RASGRF2: variants seen among roughly 807,000 people sequenced by gnomAD.
RASGRF2 encodes the protein ras-specific guanine nucleotide-releasing factor 2.
A neutral mutation model predicts 151.0 loss-of-function variants in RASGRF2; 76 were observed. The observed-to-expected ratio is 0.50, with a 90% CI of 0.42 to 0.61. RASGRF2 has a LOEUF of 0.61. Among genes scored for constraint, RASGRF2 ranks in the 20% least tolerant of loss-of-function variants. The pLI, the probability that RASGRF2 is intolerant of heterozygous loss-of-function variation, is 0.00. For synonymous variants in RASGRF2, 504 were observed against 566.5 expected (o/e 0.89, Z 1.57); for missense variants, 1,148 against 1,564.6 (o/e 0.73, Z 4.49).
At position 81,081,044 on chromosome 5, in the gene RASGRF2, A is replaced by G. The variant is rs377691684; in HGVS notation, c.1161+255A>G. On this transcript the variant is annotated intron_variant, in intron 7 of 26. Transcript: ENST00000265080. ...GAATGATTTTTTGAAACGCTGCACA[A>G]TTTTCTCTTTACAGAAAGATTCCAC... Among the ~76,000 whole-genome samples the G allele has an allele frequency of 9.9e-5, 15 of 152,234 alleles. No homozygotes were observed. The South Asian group carries it at 2.7e-3, about 27-fold the overall frequency.
At chr5:81,141,869 A>T (rs1254115061) in intron 17 of RASGRF2, among the ~76,000 whole-genome samples, 1 of 152,186 alleles carries the variant, frequency 6.6e-6, no homozygotes, top group Non-Finnish European at 1.5e-5. Flanking sequence ...CAATGGTATG[A>T]TCTGGTTAGA....
chr5:81,019,100 G>GCATCTGCACATCTTGAAACACTTGGCT (rs1554085925), intron 1 of RASGRF2, among the ~76,000 whole-genome samples: 1 of 152,170 alleles, frequency 6.6e-6, no homozygotes, highest in Non-Finnish European at 1.5e-5. Flanking sequence ...TGCGCCTGGC[G>GCATCTGCACATCTTGAAACACTTGGCT]CATCTGCACA....
intron 19 of RASGRF2, chr5:81,203,942 C>A (rs1026957081): frequency 6.6e-6 from 1 of 152,216 alleles, no homozygotes; most frequent in Non-Finnish European, 1.5e-5. Context: ...GTCAACTCAA[C>A]TTTCTTTAGG....
chr5:81,215,985 A>C, intron 24 of RASGRF2, 30 bp downstream of exon 24: 1 of 1,456,162 alleles, frequency 6.9e-7, no homozygotes, highest in Admixed American at 2.7e-5. Context: ...TAAATTATTC[A>C]TAATTCAGAA....
At chr5:80,978,648 G>A (rs563922290) in intron 1 of RASGRF2, among the ~76,000 whole-genome samples, 6 of 152,206 alleles carry the variant, frequency 3.9e-5, no homozygotes, top group East Asian at 1.9e-4. Flanking sequence ...TTAGCTGGGC[G>A]CGATGGCGGG....
intron 12 of RASGRF2, among the ~76,000 whole-genome samples, chr5:81,104,694 G>A (rs1752796172): frequency 6.6e-6 from 1 of 152,160 alleles, no homozygotes; most frequent in Non-Finnish European, 1.5e-5. Flanking sequence ...ATGTAACACT[G>A]TAGCTGATCA....
At chr5:81,028,310 AT>A (rs1750110606) in intron 1 of RASGRF2, among the ~76,000 whole-genome samples, 1 of 152,268 alleles carries the variant, frequency 6.6e-6, no homozygotes, top group Non-Finnish European at 1.5e-5. Flanking sequence ...CAAATCATAA[AT>A]TTTAATTTGC....
chr5:81,094,379 C>T lies in RASGRF2; in HGVS notation c.1618+17C>T. ...ATGATGACTGTAAGTCACCTTCGAT[C>T]ACTTAGGATTCTATTAGAATTAGAG... On this transcript the variant is annotated intron_variant, in intron 11 of 26. Transcript: ENST00000265080. 1 of 1,603,178 alleles carries T rather than the reference C, an allele frequency of 6.2e-7. No homozygotes were observed. The highest frequency in any genetic ancestry group is 8.5e-7 in the Non-Finnish European group (1 of 1,172,880).
chr5:80,973,338 C>T (rs1748001649), intron 1 of RASGRF2, among the ~76,000 whole-genome samples: 1 of 152,200 alleles, frequency 6.6e-6, no homozygotes, highest in Non-Finnish European at 1.5e-5. Context: ...TCATGATGTT[C>T]TTCCCTCCCT....
chr5:80,961,106 C>T (rs759874545), intron 1 of RASGRF2, 80 bp downstream of exon 1: 204 of 1,372,140 alleles, frequency 1.5e-4, no homozygotes, highest in Non-Finnish European at 1.8e-4. Flanking sequence ...GATCAGGGGT[C>T]GGGGGTCGTG....
At chr5:81,144,627 T>A (rs1168424108) in intron 17 of RASGRF2, among the ~76,000 whole-genome samples, 1 of 152,214 alleles carries the variant, frequency 6.6e-6, no homozygotes, top group Non-Finnish European at 1.5e-5. Context: ...GTATATAAAT[T>A]GAGTGGTTGC....
At chr5:81,170,222 C>T (rs916527038) in intron 17 of RASGRF2, among the ~76,000 whole-genome samples, 13 of 151,532 alleles carry the variant, frequency 8.6e-5, no homozygotes, top group African/African-American at 2.9e-4. Flanking sequence ...ATCACCTGCA[C>T]CACCTACAGT....
At chr5:81,128,797 TTCCTC>T (rs1328896945) in intron 17 of RASGRF2, among the ~76,000 whole-genome samples, 2 of 152,206 alleles carry the variant, frequency 1.3e-5, no homozygotes, top group African/African-American at 4.8e-5. Flanking sequence ...CATTATCTCT[TTCCTC>T]TTCTCTCACG....
intron 15 of RASGRF2, among the ~76,000 whole-genome samples, chr5:81,118,174 C>T (rs1035983739): frequency 2.2e-4 from 34 of 152,230 alleles, no homozygotes; most frequent in Non-Finnish European, 4.4e-5. Flanking sequence ...GGACTCTCTT[C>T]AGTGTCTCCA....
chr5:81,122,334 TG>T (rs1265949140), intron 15 of RASGRF2, among the ~76,000 whole-genome samples: 1 of 152,228 alleles, frequency 6.6e-6, no homozygotes, highest in Non-Finnish European at 1.5e-5. Context: ...CTTCCATTAC[TG>T]AATTTTGGGG....
rs1227642271 is a variant in RASGRF2, at chr5:81,226,872, T to TA, written c.*1103dup. On this transcript the variant is annotated 3_prime_UTR_variant, in exon 27 of 27. Transcript: ENST00000265080. Reference sequence around the variant, plus strand: ...GATGTTGAGAGATCTCTGAGAATATTATAAGTGCATGGGAAATGGGCCCAA... The same window carrying TA: ...GATGTTGAGAGATCTCTGAGAATATTAATAAGTGCATGGGAAATGGGCCCAA... The TA allele has an allele frequency of 6.6e-6, 1 of 152,170 alleles. No homozygotes were observed. Among genetic ancestry groups the TA allele is most frequent in the Non-Finnish European group, 1.5e-5 (1 of 68,036 alleles). The allele number at this position is 152,170 out of a possible 1,614,324, so 9.4% of individuals were successfully genotyped here. A position where few individuals can be genotyped will look rare whatever the true frequency, so the allele number is the denominator to read the frequency against.
rs1415177428 is a variant in RASGRF2, at chr5:81,121,106, G to A, written c.2471-2536G>A. On this transcript the variant is annotated intron_variant, in intron 15 of 26. Transcript: ENST00000265080. ...ATGAGTCTGAAAGTTGTGTGTGTGT[G>A]TGTGTGATGTCTGTAAGAGCCAAAA... Among the ~76,000 whole-genome samples the A allele has an allele frequency of 2.6e-5, 4 of 152,302 alleles. No individual in the cohort carries two copies. The East Asian group carries it at 7.7e-4, about 29-fold the overall frequency.
intron 9 of RASGRF2, chr5:81,087,295 G>A: frequency 1.4e-6 from 1 of 703,082 alleles, no homozygotes; most frequent in South Asian, 1.5e-5. Context: ...CGATACCCAG[G>A]CCAAGGCCCA....
At chr5:81,036,646 A>G (rs1198480289) in intron 1 of RASGRF2, among the ~76,000 whole-genome samples, 3 of 152,070 alleles carry the variant, frequency 2.0e-5, no homozygotes, top group Non-Finnish European at 2.9e-5. Flanking sequence ...AGGACATTGT[A>G]TACCTATTCC....
Sources: gnomAD v4.1 joint callset for allele counts (sites outside exome capture counted in the v4.1 genomes callset) on GRCh38, gnomAD v4.1.1 for gene constraint, MANE v1.5 for transcripts, NCBI Gene and HGNC (gene_info 2026-07-23, HGNC 2026-07-21) for gene names.